The following AGPAT3 variants were observed in gnomAD, a reference collection of about 807,000 sequenced individuals.
AGPAT3 encodes the protein 1-acyl-sn-glycerol-3-phosphate acyltransferase gamma.
AGPAT3 carries 5 observed loss-of-function variants against 47.3 expected under a neutral mutation model. The observed-to-expected ratio is 0.11, with a 90% CI of 0.06 to 0.22. AGPAT3 has a LOEUF of 0.22. AGPAT3 is among the 10% of genes least tolerant of loss of function. The probability of loss-of-function intolerance (pLI) is 1.00; values close to 1 mark genes in which losing one functional copy is unlikely to be tolerated. For synonymous variants in AGPAT3, 212 were observed against 208.3 expected (o/e 1.02, Z -0.15); for missense variants, 315 against 493.0 (o/e 0.64, Z 3.42).
chr21:43,941,923 C>T (rs1322033298), intron 2 of AGPAT3, among the ~76,000 whole-genome samples: 2 of 152,252 alleles, frequency 1.3e-5, no homozygotes, highest in Non-Finnish European at 2.9e-5. Flanking sequence ...CCGCATTGCG[C>T]CTGAGCAGCT....
chr21:43,926,636 CTTTTTTTTTTTTTTT>C (rs557494803), intron 2 of AGPAT3, among the ~76,000 whole-genome samples: 1 of 86,538 alleles, frequency 1.2e-5, no homozygotes, highest in Non-Finnish European at 2.1e-5. Context: ...CTACGCTGGC[CTTTTTTTTTTTTTTT>C]TTTTTTTTTT....
intron 1 of AGPAT3, among the ~76,000 whole-genome samples, chr21:43,870,453 T>G (rs566703290): frequency 6.6e-6 from 1 of 152,032 alleles, no homozygotes; most frequent in East Asian, 1.9e-4. Flanking sequence ...GGTTCACACC[T>G]GTAATGCCAG....
At chr21:43,891,402 G>C (rs1443450276) in intron 1 of AGPAT3, among the ~76,000 whole-genome samples, 2 of 152,200 alleles carry the variant, frequency 1.3e-5, no homozygotes, top group South Asian at 4.1e-4. Context: ...GGGAGGCTGA[G>C]GTGGGCAGAT....
At chr21:43,946,119 C>G (rs1035550231) in intron 2 of AGPAT3, among the ~76,000 whole-genome samples, 4 of 152,232 alleles carry the variant, frequency 2.6e-5, no homozygotes, top group African/African-American at 9.6e-5. Flanking sequence ...CCTGCAGGCC[C>G]TGTCTCTCCC....
intron 1 of AGPAT3, among the ~76,000 whole-genome samples, chr21:43,883,973 G>A (rs935466991): frequency 4.6e-5 from 7 of 151,884 alleles, no homozygotes; most frequent in Admixed American, 2.6e-4. Context: ...CAAGTAATCC[G>A]CTTGCCTCAG....
At chr21:43,946,271 C>G (rs889324771) in intron 2 of AGPAT3, among the ~76,000 whole-genome samples, 2 of 152,198 alleles carry the variant, frequency 1.3e-5, no homozygotes, top group African/African-American at 4.8e-5. Flanking sequence ...AGAATTCCAC[C>G]TCCTACATAA....
rs200508069 is a variant in AGPAT3 at position 43,960,198 on chromosome 21, C to T, written c.178+339C>T. Among the ~76,000 whole-genome samples the T allele has an allele frequency of 1.7e-4, 26 of 152,346 alleles. 1 individual carries two copies. The East Asian group carries it at 2.9e-3, about 17-fold the overall frequency. ...GCTCCCTACATGGCCCCTCGTGTGT[C>T]CTGCCCACACTGCGCCAACACCAGA... On this transcript the variant is annotated intron_variant, in intron 3 of 9. Coordinates refer to ENST00000291572, the MANE Select transcript of AGPAT3 (RefSeq NM_020132.5).
rs548004110 is a variant in AGPAT3, at chr21:43,972,135, A to C, written c.767+645A>C. On this transcript the variant is annotated intron_variant, in intron 7 of 9. Transcript: ENST00000291572. The stretch of plus-strand genomic sequence containing the variant: ...AGGAGACAGTGGTGAAGGGAAAGGA[A>C]GAGCCTGTTTGATTTTTTTTTTTCT... Among the ~76,000 whole-genome samples the C allele has an allele frequency of 2.9e-3, 421 of 146,502 alleles. 4 individuals carry two copies. The highest frequency in any genetic ancestry group is 0.01 in the African/African-American group (410 of 39,920).
At chr21:43,921,819 G>A (rs892223812) in intron 2 of AGPAT3, among the ~76,000 whole-genome samples, 8 of 151,864 alleles carry the variant, frequency 5.3e-5, no homozygotes, top group Non-Finnish European at 8.8e-5. Context: ...GGGATAAAGC[G>A]TTAATTACTT....
chr21:43,939,949 C>T lies in AGPAT3; in HGVS notation c.-48-19685C>T, dbSNP rs577071299. On this transcript the variant is annotated intron_variant, in intron 2 of 9. Coordinates refer to ENST00000291572, the MANE Select transcript of AGPAT3 (RefSeq NM_020132.5). This position sits in a 1 kb window ranked among gnomAD's most constrained non-coding sequence, Gnocchi z 4.4. Reference sequence around the variant, plus strand: ...CCCGACGGCAGAGCCCGCAGCTGTGCGCAGGAGGACGAACCTGTGTGTATG... The same window carrying T: ...CCCGACGGCAGAGCCCGCAGCTGTGTGCAGGAGGACGAACCTGTGTGTATG... 9.2e-5 allele frequency among the ~76,000 whole-genome samples: 14 copies of T among 152,356 alleles called. No individual in the cohort carries two copies. The East Asian group carries it at 2.3e-3, about 25-fold the overall frequency.
chr21:43,914,729 T>TG (rs1386612701), intron 2 of AGPAT3, among the ~76,000 whole-genome samples: 1 of 152,086 alleles, frequency 6.6e-6, no homozygotes, highest in East Asian at 1.9e-4. Context: ...GTTGTAGGGA[T>TG]GGGGGTCTTT....
chr21:43,975,243 G>T (rs1449344294), intron 7 of AGPAT3, among the ~76,000 whole-genome samples: 1 of 147,994 alleles, frequency 6.8e-6, no homozygotes, highest in Non-Finnish European at 1.5e-5. Context: ...GTTTTGGTGT[G>T]TGCTGGTGTG....
At chr21:43,945,077 C>A (rs143067686) in intron 2 of AGPAT3, among the ~76,000 whole-genome samples, 57 of 152,368 alleles carry the variant, frequency 3.7e-4, no homozygotes, top group African/African-American at 1.3e-3. Context: ...ATCTGCTGGG[C>A]TAGTGCATGT....
chr21:43,868,966 C>T (rs929991276), intron 1 of AGPAT3, among the ~76,000 whole-genome samples: 1 of 152,164 alleles, frequency 6.6e-6, no homozygotes, highest in African/African-American at 2.4e-5. Context: ...TCCACCAAAC[C>T]ACCTTGATGC....
rs540917449 is a variant in AGPAT3 at position 43,910,516 on chromosome 21, A to C, written c.-49+6497A>C. On this transcript the variant is annotated intron_variant, in intron 2 of 9. Coordinates refer to ENST00000291572, the MANE Select transcript of AGPAT3 (RefSeq NM_020132.5). ...GAATTAGTCCTAATTAGGTGAATTAAGTGAATTAGGTGAAGTCCTAATACA... is the reference window on the plus strand; with the variant it reads ...GAATTAGTCCTAATTAGGTGAATTACGTGAATTAGGTGAAGTCCTAATACA... Among the ~76,000 whole-genome samples, 57 of 152,340 alleles carry C rather than the reference A, an allele frequency of 3.7e-4. No individual in the cohort carries two copies. The Middle Eastern group carries it at 0.01, about 27-fold the overall frequency.
intron 1 of AGPAT3, among the ~76,000 whole-genome samples, chr21:43,882,952 T>C (rs993552466): frequency 2.6e-5 from 4 of 152,210 alleles, no homozygotes; most frequent in South Asian, 2.1e-4. Context: ...AGATGCAGGA[T>C]TCCTGGTCAG....
chr21:43,925,963 G>T (rs1334022001), intron 2 of AGPAT3, among the ~76,000 whole-genome samples: 4 of 152,276 alleles, frequency 2.6e-5, no homozygotes, highest in African/African-American at 9.6e-5. Flanking sequence ...AGGAGAAGCG[G>T]CGAGGCCCAC....
Position 43,969,206 on chromosome 21 carries a change from G to A in AGPAT3, c.437G>A (p.Arg146Gln). ...TTTCTGGAGATTGTGTTCTGCAAGC[G>A]GAAGTGGGAGGAGGACCGGGACACC... ...WYFLEIVFCK[R>Q]KWEEDRDTVV... Residue 146 changes from arginine (R) to glutamine (Q), a missense_variant, in exon 5 of 10, where the codon CGG (arginine) becomes CAG (glutamine). Transcript: ENST00000291572. 3.1e-6 allele frequency: 5 copies of A among 1,614,226 alleles called. No individual in the cohort carries two copies. The highest frequency in any genetic ancestry group is 2.2e-5 in the East Asian group (1 of 44,888).
intron 2 of AGPAT3, among the ~76,000 whole-genome samples, chr21:43,958,663 G>C (rs1035623695): frequency 2.0e-5 from 3 of 148,854 alleles, no homozygotes; most frequent in Non-Finnish European, 4.4e-5. Flanking sequence ...GGTATATGTA[G>C]CATGTGTATG....
Sources: allele counts gnomAD v4.1 joint callset (sites outside exome capture counted in the v4.1 genomes callset), GRCh38; gene constraint gnomAD v4.1.1; non-coding constraint Gnocchi (gnomAD v3.1); transcripts MANE v1.5; gene names NCBI Gene and HGNC (gene_info 2026-07-23, HGNC 2026-07-21).